Variants in PDCD5 observed in about 807,000 individuals in gnomAD.
PDCD5 encodes the protein programmed cell death protein 5.
A neutral mutation model predicts 21.9 loss-of-function variants in PDCD5; 23 were observed. The ratio of observed to expected loss-of-function variants is 1.05; its 90% CI spans 0.76 to 1.49. The LOEUF (loss-of-function observed/expected upper bound fraction) is 1.49, where lower values mean the gene tolerates loss of function less well. PDCD5 is among the 40% of genes most tolerant of loss of function. PDCD5 has a pLI of 0.00. For missense variants in PDCD5, 152 were observed against 147.7 expected (o/e 1.03, Z -0.15); for synonymous variants, 45 against 49.4 (o/e 0.91, Z 0.37).
rs1971470775 is a variant in PDCD5, at chr19:32,585,859, A to G, written c.210A>G (p.Val70=). The G allele has an allele frequency of 1.2e-6, 2 of 1,611,260 alleles. No homozygotes were observed. The highest frequency in any genetic ancestry group is 1.7e-6 in the Non-Finnish European group (2 of 1,177,366). ...TAAAGCCTGAAAAAACTAAAGCAGT[A>G]GAGAATTACCTTATACAGATGGCAA... ...ALVKPEKTKA[V]ENYLIQMARY... is the part of the protein sequence containing the mutation. The change falls in exon 4 of 6, where the codon GTA becomes GTG. Residue 70 remains valine, a synonymous_variant. Coordinates refer to ENST00000590247, the MANE Select transcript of PDCD5 (RefSeq NM_004708.4).
At chr19:32,582,981 G>A (rs1012792688) in intron 2 of PDCD5, among the ~76,000 whole-genome samples, 1 of 152,172 alleles carries the variant, frequency 6.6e-6, no homozygotes, top group Admixed American at 6.5e-5. Flanking sequence ...GTAAAACGAC[G>A]CAAATTTCAT....
chr19:32,587,190 C>G, intron 5 of PDCD5, 63 bp from the exon 6 acceptor site: 1 of 1,286,208 alleles, frequency 7.8e-7, no homozygotes, highest in Non-Finnish European at 1.1e-6. Context: ...GAAATCTTTT[C>G]TCGGAAAATC....
At chr19:32,581,816 C>A in intron 1 of PDCD5, 1 of 251,058 alleles carries the variant, frequency 4.0e-6, no homozygotes, top group Non-Finnish European at 7.5e-6. Context: ...ATCACACGCC[C>A]GGAGAGGCGT....
At chr19:32,583,222 TC>T (rs1971445686) in intron 2 of PDCD5, among the ~76,000 whole-genome samples, 1 of 152,164 alleles carries the variant, frequency 6.6e-6, no homozygotes, top group Non-Finnish European at 1.5e-5. Flanking sequence ...TGAACTTTTT[TC>T]TTCTTTACGT....
At chr19:32,581,403 G>A (rs1971423868) in intron 1 of PDCD5, 76 bp downstream of exon 1, 2 of 1,048,102 alleles carry the variant, frequency 1.9e-6, no homozygotes, top group Non-Finnish European at 2.5e-6. Flanking sequence ...CGCGCCTCCG[G>A]GGCGGAGGCT....
intron 5 of PDCD5, 59 bp from the exon 6 acceptor site, chr19:32,587,194 G>A: frequency 1.5e-6 from 2 of 1,324,242 alleles, no homozygotes; most frequent in Non-Finnish European, 2.2e-6. Flanking sequence ...TCTTTTCTCG[G>A]AAAATCTGAG....
At chr19:32,584,361 G>A (rs1259256982) in intron 2 of PDCD5, among the ~76,000 whole-genome samples, 1 of 152,214 alleles carries the variant, frequency 6.6e-6, no homozygotes, top group Non-Finnish European at 1.5e-5. Context: ...AAAGAAACAA[G>A]TCCATGAGAC....
chr19:32,582,168 T>TA (rs1283904981), intron 1 of PDCD5, 27 bp from the exon 2 acceptor site: 1 of 1,583,434 alleles, frequency 6.3e-7, no homozygotes, highest in East Asian at 2.2e-5. Flanking sequence ...GAAATTTCTC[T>TA]ATTAAATTTA....
chr19:32,581,470 G>C lies in PDCD5; in HGVS notation c.66+143G>C, dbSNP rs929493091. ...CGCTGCCCTGGCGGCCTCGTGGCCG[G>C]CTCAGAGGTGGCCTCGTCGCTTTCC... On this transcript the variant is annotated intron_variant, in intron 1 of 5. Transcript: ENST00000590247. The C allele has an allele frequency of 5.2e-5, 23 of 438,420 alleles. 1 individual carries two copies. Among genetic ancestry groups the C allele is most frequent in the African/African-American group, 4.8e-4 (23 of 48,380 alleles). The allele number at this position is 438,420 out of a possible 1,614,324, so 27.2% of individuals were successfully genotyped here.
In PDCD5 at chr19:32,581,210, C is replaced by T. The variant is rs773873610; in HGVS notation, c.-52C>T. ...TGCGCAGTGGTCAAGGCCGCGCTCGCGCCGAGGGGCTGCGAGAGTGACCGC... is the reference window on the plus strand; with the variant it reads ...TGCGCAGTGGTCAAGGCCGCGCTCGTGCCGAGGGGCTGCGAGAGTGACCGC... On this transcript the variant is annotated 5_prime_UTR_variant, in exon 1 of 6. Coordinates refer to ENST00000590247, the MANE Select transcript of PDCD5 (RefSeq NM_004708.4). The T allele has an allele frequency of 4.4e-4, 605 of 1,365,504 alleles. 1 individual carries two copies. Among genetic ancestry groups the T allele is most frequent in the Non-Finnish European group, 5.2e-4 (533 of 1,028,244 alleles). The allele number at this position is 1,365,504 out of a possible 1,614,324, so 84.6% of individuals were successfully genotyped here.
chr19:32,582,340 G>A (rs1971436788), intron 2 of PDCD5, 108 bp downstream of exon 2: 1 of 1,007,026 alleles, frequency 9.9e-7, no homozygotes, highest in Non-Finnish European at 1.5e-6. Context: ...TGTTTTGCTG[G>A]AATGGTGATT....
Position 32,586,863 on chromosome 19 carries a change from A to G in PDCD5, c.264A>G (p.Ser88=). Residue 88 remains serine, a synonymous_variant, in exon 5 of 6, where the codon TCA becomes TCG. Transcript: ENST00000590247. The stretch of plus-strand genomic sequence containing the variant: ...ATCTTTTCTGGTTCTCCTAGGTATC[A>G]GAACAAGGTTTAATAGAAATCCTTA... The part of the protein sequence containing the change: ...ARYGQLSEKV[S]EQGLIEILKK... 7 of 1,605,200 alleles carry G rather than the reference A, an allele frequency of 4.4e-6. No homozygotes were observed. The highest frequency in any genetic ancestry group is 5.9e-6 in the Non-Finnish European group (7 of 1,177,762).
chr19:32,583,232 G>A (rs535311385), intron 2 of PDCD5, among the ~76,000 whole-genome samples: 1 of 152,024 alleles, frequency 6.6e-6, no homozygotes, highest in Admixed American at 6.6e-5. Flanking sequence ...TCTTCTTTAC[G>A]TCAGGGCCAG....
intron 2 of PDCD5, among the ~76,000 whole-genome samples, chr19:32,584,401 A>C (rs957984916): frequency 6.6e-6 from 1 of 152,218 alleles, no homozygotes; most frequent in Middle Eastern, 3.2e-3. Context: ...ACTACTTTCT[A>C]TTTGGGTAGG....
Position 32,585,006 on chromosome 19 carries a change from C to A in PDCD5, c.161C>A (p.Ala54Asp). Residue 54 changes from alanine to aspartate, a missense_variant, in exon 3 of 6, where the codon GCC becomes GAC. Coordinates refer to ENST00000590247, the MANE Select transcript of PDCD5 (RefSeq NM_004708.4). Reference protein sequence around the residue: ...LAQVLDQSARARLSNLALVKP... With the variant: ...LAQVLDQSARDRLSNLALVKP... ...CAAGTTCTGGATCAGTCGGCCCGGG[C>A]CAGGTGTAAGCATCTTTGATTTCAT... 1 of 1,612,622 alleles carries A rather than the reference C, an allele frequency of 6.2e-7. No individual in the cohort carries two copies. Among genetic ancestry groups the A allele is most frequent in the Non-Finnish European group, 8.5e-7 (1 of 1,178,648 alleles).
intron 3 of PDCD5, among the ~76,000 whole-genome samples, chr19:32,585,591 C>A (rs1027256997): frequency 3.9e-5 from 6 of 152,080 alleles, no homozygotes; most frequent in African/African-American, 1.4e-4. Context: ...ATCTGAGAAC[C>A]CAACTTTAAT....
At chr19:32,583,457 CTT>C (rs77264733) in intron 2 of PDCD5, among the ~76,000 whole-genome samples, 6 of 143,760 alleles carry the variant, frequency 4.2e-5, no homozygotes, top group African/African-American at 1.5e-4. Context: ...TTTTTTTAAA[CTT>C]TTTTTTTTTT....
rs377377873 is a variant in PDCD5, at chr19:32,581,260, C to G, written c.-2C>G. The G allele has an allele frequency of 6.6e-7, 1 of 1,511,576 alleles. No homozygotes were observed. The allele number at this position is 1,511,576 out of a possible 1,614,324, so 93.6% of individuals were successfully genotyped here. On this transcript the variant is annotated 5_prime_UTR_variant, in exon 1 of 6. Transcript: ENST00000590247. ...CGGCTGCTCCAGCGCTGACGCCGAGCCATGGCGGACGAGGAGCTTGAGGCG... is the reference window on the plus strand; with the variant it reads ...CGGCTGCTCCAGCGCTGACGCCGAGGCATGGCGGACGAGGAGCTTGAGGCG...
In PDCD5 at chr19:32,585,797, A is replaced by G; in HGVS notation, c.167-19A>G. On this transcript the variant is annotated intron_variant, in intron 3 of 5. Transcript: ENST00000590247. ...TTTGATTTTAATGGATTTTTTGCAT[A>G]TGTATTTTTTCTTTTTAGTAAGTAA... 2 of 1,375,678 alleles carry G rather than the reference A, an allele frequency of 1.5e-6. No individual in the cohort carries two copies. Among genetic ancestry groups the G allele is most frequent in the Non-Finnish European group, 2.1e-6 (2 of 965,258 alleles). 85.2% of individuals were successfully genotyped at this position (1,375,678 alleles called of 1,614,324 possible). A position where few individuals can be genotyped will look rare whatever the true frequency, so the allele number is the denominator to read the frequency against.
Sources: allele counts gnomAD v4.1 joint callset (sites outside exome capture counted in the v4.1 genomes callset), GRCh38; gene constraint gnomAD v4.1.1; transcripts MANE v1.5; gene names NCBI Gene and HGNC (gene_info 2026-07-23, HGNC 2026-07-21).